The following RB1 variants were observed in gnomAD, a reference collection of about 807,000 sequenced individuals.
RB1 encodes RB transcriptional corepressor 1.
RB1 carries 18 observed loss-of-function variants against 135.4 expected under a neutral mutation model. The observed-to-expected ratio is 0.13, with a 90% CI of 0.09 to 0.20. The LOEUF is 0.20. RB1 is among the 10% of genes least tolerant of loss of function. The pLI is 1.00. For missense variants in RB1, 868 were observed against 1,110.0 expected, an observed-to-expected ratio of 0.78 and a Z score of 3.10; for synonymous variants, 365 against 373.2, an observed-to-expected ratio of 0.98 and a Z score of 0.25.
At chr13:48,337,201 G>A (rs1266946614) in intron 2 of RB1, among the ~76,000 whole-genome samples, 1 of 152,152 alleles carries the variant, frequency 6.6e-6, no homozygotes, top group African/African-American at 2.4e-5. Context: ...AGGTCCGCTT[G>A]GTGCAGAGCT....
At chr13:48,318,036 G>A in intron 2 of RB1, 1 of 522,410 alleles carries the variant, frequency 1.9e-6, no homozygotes, top group South Asian at 1.7e-5. Flanking sequence ...CCGGGGCTGG[G>A]AGCTGGGCCC....
intron 17 of RB1, among the ~76,000 whole-genome samples, chr13:48,433,147 G>A (rs901249740): frequency 5.3e-5 from 8 of 152,064 alleles, no homozygotes; most frequent in African/African-American, 1.9e-4. Flanking sequence ...ATACATGTAA[G>A]CTACTAAACC....
chr13:48,465,726 C>T (rs1320645838), intron 23 of RB1, among the ~76,000 whole-genome samples: 2 of 151,218 alleles, frequency 1.3e-5, no homozygotes, highest in African/African-American at 4.9e-5. Context: ...CGAAGCAGGG[C>T]GAGGCATTGC....
chr13:48,476,656 C>T, intron 24 of RB1, 45 bp from the exon 25 acceptor site: 1 of 1,589,842 alleles, frequency 6.3e-7, no homozygotes. Flanking sequence ...AACTATGAAA[C>T]ACTGGCATTT....
intron 24 of RB1, among the ~76,000 whole-genome samples, chr13:48,474,113 G>A (rs1035255519): frequency 6.6e-6 from 1 of 152,156 alleles, no homozygotes; most frequent in Non-Finnish European, 1.5e-5. Context: ...GAGTTGGGGT[G>A]CACCACCTTC....
chr13:48,473,161 T>G (rs1243664956), intron 23 of RB1, among the ~76,000 whole-genome samples, 199 bp from the exon 24 acceptor site: 2 of 152,200 alleles, frequency 1.3e-5, no homozygotes, highest in Non-Finnish European at 2.9e-5. Context: ...GCTTTAAAAC[T>G]AAGAGACTAG....
At chr13:48,382,367 C>G (rs1948542739) in intron 17 of RB1, among the ~76,000 whole-genome samples, 3 of 152,160 alleles carry the variant, frequency 2.0e-5, no homozygotes. Flanking sequence ...CTGTTGTTTC[C>G]TGACTTTTTA....
At chr13:48,343,279 C>T (rs1952463255) in intron 3 of RB1, among the ~76,000 whole-genome samples, 1 of 152,064 alleles carries the variant, frequency 6.6e-6, no homozygotes, top group South Asian at 2.1e-4. Context: ...ACTTTATCTT[C>T]AGAAAGTATC....
At chr13:48,451,612 A>G (rs898911256) in intron 17 of RB1, among the ~76,000 whole-genome samples, 2 of 152,148 alleles carry the variant, frequency 1.3e-5, no homozygotes, top group African/African-American at 4.8e-5. Flanking sequence ...AGGTTTTGCT[A>G]TCAGGATGAT....
At chr13:48,320,213 C>G in intron 2 of RB1, 1 of 1,015,722 alleles carries the variant, frequency 9.8e-7, no homozygotes. Context: ...GCGGGCTGCT[C>G]CTTGTGCACG....
chr13:48,480,894 A>G lies in RB1; in HGVS notation c.*823A>G. 1 of 228,552 alleles carries G rather than the reference A, an allele frequency of 4.4e-6. No homozygotes were observed. Among genetic ancestry groups the G allele is most frequent in the Admixed American group, 5.7e-5 (1 of 17,678 alleles). The allele number at this position is 228,552 out of a possible 1,614,324, so 14.2% of individuals were successfully genotyped here. ...ATAAAGTACCCATCTAGTACTTGAA[A>G]AAGTAAAGTGTTCTGCCAGATCTTA... On this transcript the variant is annotated 3_prime_UTR_variant, in exon 27 of 27. Coordinates refer to ENST00000267163, the MANE Select transcript of RB1 (RefSeq NM_000321.3).
chr13:48,383,231 T>C (rs1482215350), intron 17 of RB1, among the ~76,000 whole-genome samples: 3 of 152,082 alleles, frequency 2.0e-5, no homozygotes, highest in African/African-American at 4.8e-5. Flanking sequence ...ATGTATACTA[T>C]TGTTCAATTA....
intron 4 of RB1, among the ~76,000 whole-genome samples, chr13:48,346,099 C>CTTTT (rs35882805): frequency 3.8e-4 from 45 of 117,094 alleles, no homozygotes; most frequent in African/African-American, 1.4e-3. Flanking sequence ...CATTGGCCAT[C>CTTTT]TTTTTTTTTT....
rs121913305 is a variant in RB1 at position 48,453,032 on chromosome 13, C to A, written c.1735C>A (p.Arg579=). The A allele has an allele frequency of 6.2e-7, 1 of 1,612,974 alleles. No homozygotes were observed. The highest frequency in any genetic ancestry group is 1.3e-5 in the African/African-American group (1 of 74,966). The change falls in exon 18 of 27, where the codon CGA becomes AGA. Residue 579 remains arginine, a synonymous_variant. Coordinates refer to ENST00000267163, the MANE Select transcript of RB1 (RefSeq NM_000321.3). ...LFDLIKQSKD[R]EGPTDHLESA... Reference sequence around the variant, plus strand: ...TGATCTTATTAAACAATCAAAGGACCGAGAAGGACCAACTGATCACCTTGA... The same window carrying A: ...TGATCTTATTAAACAATCAAAGGACAGAGAAGGACCAACTGATCACCTTGA...
At chr13:48,312,021 C>G (rs1299134436) in intron 2 of RB1, among the ~76,000 whole-genome samples, 5 of 152,102 alleles carry the variant, frequency 3.3e-5, no homozygotes, top group African/African-American at 1.2e-4. Context: ...TATTTTAAAG[C>G]TTTATCCTTG....
chr13:48,324,535 A>T (rs1952268310), intron 2 of RB1, among the ~76,000 whole-genome samples: 1 of 151,966 alleles, frequency 6.6e-6, no homozygotes, highest in Non-Finnish European at 1.5e-5. Flanking sequence ...TCCAAATGAC[A>T]GGATTTCATT....
In RB1 at chr13:48,367,608, T is replaced by C; in HGVS notation, c.1049+5T>C. On this transcript the variant is annotated splice_donor_5th_base_variant and intron_variant, in intron 10 of 26. Coordinates refer to ENST00000267163, the MANE Select transcript of RB1 (RefSeq NM_000321.3). ...TCAGACTGATTCTATAGACAGGTAT[T>C]GCACATGGTATATTTGATTGATTTG... The C allele has an allele frequency of 1.9e-6, 3 of 1,601,804 alleles. No individual in the cohort carries two copies. The highest frequency in any genetic ancestry group is 2.6e-6 in the Non-Finnish European group (3 of 1,172,438).
At chr13:48,460,260 G>T (rs554645589) in intron 20 of RB1, among the ~76,000 whole-genome samples, 1 of 151,890 alleles carries the variant, frequency 6.6e-6, no homozygotes, top group African/African-American at 2.4e-5. Context: ...ATGAGCCACC[G>T]CACCCAGCCT....
At chr13:48,320,333 G>T in intron 2 of RB1, 1 of 1,248,724 alleles carries the variant, frequency 8.0e-7, no homozygotes, top group Non-Finnish European at 1.2e-6. Flanking sequence ...ATGAGCATCT[G>T]CACCCGGGCG....
Sources: allele counts gnomAD v4.1 joint callset (sites outside exome capture counted in the v4.1 genomes callset), GRCh38; gene constraint gnomAD v4.1.1; transcripts MANE v1.5; gene names NCBI Gene and HGNC (gene_info 2026-07-23, HGNC 2026-07-21).